CDK13: variants seen among roughly 807,000 people sequenced by gnomAD.
CDK13 encodes the protein cyclin-dependent kinase 13.
Under a neutral mutation model 137.6 loss-of-function variants are expected in CDK13, and 40 were observed. The observed-to-expected ratio is 0.29, with a 90% CI of 0.23 to 0.38. The LOEUF (loss-of-function observed/expected upper bound fraction) is 0.38. Ranked by LOEUF, CDK13 falls within the 10% of genes least tolerant of loss-of-function variation. The pLI is 1.00. For synonymous variants in CDK13, 869 were observed against 760.1 expected (o/e 1.14, Z -2.36); for missense variants, 1,704 against 1,951.8 (o/e 0.87, Z 2.39).
At chr7:39,979,191 G>A (rs952867540) in intron 1 of CDK13, among the ~76,000 whole-genome samples, 7 of 150,662 alleles carry the variant, frequency 4.6e-5, no homozygotes, top group Admixed American at 2.6e-4. Context: ...GACTAGTAAC[G>A]TAGATTTTTT....
intron 5 of CDK13, among the ~76,000 whole-genome samples, chr7:40,011,689 A>C (rs377199349): frequency 6.6e-6 from 1 of 150,664 alleles, no homozygotes; most frequent in East Asian, 1.9e-4. Flanking sequence ...TATTAGAAGA[A>C]AAGGTAGGAG....
chr7:39,979,847 A>G (rs1294420214), intron 1 of CDK13, among the ~76,000 whole-genome samples: 1 of 152,174 alleles, frequency 6.6e-6, no homozygotes, highest in Non-Finnish European at 1.5e-5. Context: ...TCACGTGATG[A>G]CAGGAATAGG....
At chr7:39,997,440 T>C in intron 2 of CDK13, 54 bp from the exon 3 acceptor site, 1 of 1,371,774 alleles carries the variant, frequency 7.3e-7, no homozygotes. Context: ...ATAAGCATAT[T>C]TTTATTAGTC....
intron 1 of CDK13, 95 bp downstream of exon 1, chr7:39,951,947 A>T: frequency 8.0e-7 from 1 of 1,243,706 alleles, no homozygotes; most frequent in Non-Finnish European, 1.0e-6. Context: ...AGAACGACTC[A>T]GGTCCACCAC....
chr7:40,075,459 T>C (rs1786525440), intron 9 of CDK13, among the ~76,000 whole-genome samples: 1 of 152,076 alleles, frequency 6.6e-6, no homozygotes. Flanking sequence ...GAAATTTTTA[T>C]TGAAATAAAA....
intron 7 of CDK13, among the ~76,000 whole-genome samples, chr7:40,049,773 TAC>T (rs1409614484): frequency 2.6e-5 from 4 of 152,308 alleles, no homozygotes; most frequent in Middle Eastern, 3.4e-3. Flanking sequence ...CTACCAGCTC[TAC>T]TCTCTACCTC....
intron 1 of CDK13, chr7:39,952,092 T>C: frequency 2.6e-6 from 1 of 390,744 alleles, no homozygotes; most frequent in Non-Finnish European, 4.5e-6. Flanking sequence ...AGGGAAGATT[T>C]CTAAGGAAGA....
chr7:39,994,686 A>C (rs969315797), intron 2 of CDK13, among the ~76,000 whole-genome samples: 1 of 152,176 alleles, frequency 6.6e-6, no homozygotes, highest in Non-Finnish European at 1.5e-5. Context: ...TATTATGTAA[A>C]TCTTTGGATT....
intron 2 of CDK13, among the ~76,000 whole-genome samples, chr7:39,996,364 T>C (rs1784560383): frequency 6.6e-6 from 1 of 152,198 alleles, no homozygotes; most frequent in African/African-American, 2.4e-5. Context: ...TCTTTCAACA[T>C]GTCACATTAT....
chr7:40,021,536 C>T (rs1298652586), intron 5 of CDK13, among the ~76,000 whole-genome samples: 1 of 152,042 alleles, frequency 6.6e-6, no homozygotes, highest in Non-Finnish European at 1.5e-5. Context: ...TGATAATTTT[C>T]TTACACATAA....
At chr7:39,980,463 A>G (rs1327399803) in intron 1 of CDK13, among the ~76,000 whole-genome samples, 1 of 152,218 alleles carries the variant, frequency 6.6e-6, no homozygotes, top group Non-Finnish European at 1.5e-5. Context: ...TTACATGACA[A>G]AATACACAGG....
At chr7:40,029,804 C>T (rs2150503776) in intron 5 of CDK13, among the ~76,000 whole-genome samples, 1 of 152,202 alleles carries the variant, frequency 6.6e-6, no homozygotes, top group Non-Finnish European at 1.5e-5. Context: ...AGGCTTGCAC[C>T]ACCGTGCCCT....
At chr7:39,978,102 C>A (rs1264647977) in intron 1 of CDK13, among the ~76,000 whole-genome samples, 1 of 151,860 alleles carries the variant, frequency 6.6e-6, no homozygotes, top group Non-Finnish European at 1.5e-5. Flanking sequence ...GGATGATTTG[C>A]GGGGGTGATG....
chr7:40,071,971 G>T (rs1481138367), intron 9 of CDK13: 3 of 152,082 alleles, frequency 2.0e-5, no homozygotes, highest in Admixed American at 2.0e-4. Context: ...GCCTCAGTTC[G>T]CAAGTCAAAT....
intron 1 of CDK13, among the ~76,000 whole-genome samples, chr7:39,957,456 T>C (rs1787450216): frequency 6.6e-6 from 1 of 152,186 alleles, no homozygotes; most frequent in Non-Finnish European, 1.5e-5. Context: ...ATTGGTGGTT[T>C]AATTTAAATA....
chr7:40,024,130 G>A (rs1427905716), intron 5 of CDK13, among the ~76,000 whole-genome samples: 1 of 152,152 alleles, frequency 6.6e-6, no homozygotes, highest in Admixed American at 6.6e-5. Flanking sequence ...CCTACTTGAA[G>A]CAGATTCCCT....
Position 39,987,505 on chromosome 7 carries a change from A to G in CDK13, c.1212-94A>G, listed in dbSNP as rs1041770977. On this transcript the variant is annotated intron_variant, in intron 1 of 13. Coordinates refer to ENST00000181839, the MANE Select transcript of CDK13 (RefSeq NM_003718.5). ...TAACTTTGAAATTAAGTAAATTTCT[A>G]TTTTATTTCATAAACTTGAATTAGC... is the stretch of plus-strand genomic sequence containing the variant. The G allele has an allele frequency of 7.6e-6, 8 of 1,051,340 alleles. 1 individual carries two copies. The South Asian group carries it at 1.1e-4, about 15-fold the overall frequency. 65.1% of individuals were successfully genotyped at this position (1,051,340 alleles called of 1,614,324 possible).
intron 1 of CDK13, among the ~76,000 whole-genome samples, chr7:39,979,702 T>C (rs1784184188): frequency 1.3e-5 from 2 of 152,188 alleles, no homozygotes; most frequent in African/African-American, 4.8e-5. Flanking sequence ...ACACCTTACA[T>C]TTTAAGAGGA....
chr7:40,092,765 T>G lies in CDK13; in HGVS notation c.3236-20T>G. ...AGCTGTGAATTATGACAGTTCTAAT[T>G]AATATAATTTTGTCTTTAGTAAAAA... On this transcript the variant is annotated intron_variant, in intron 12 of 13. Coordinates refer to ENST00000181839, the MANE Select transcript of CDK13 (RefSeq NM_003718.5). 1 of 1,585,786 alleles carries G rather than the reference T, an allele frequency of 6.3e-7. No homozygotes were observed. The highest frequency in any genetic ancestry group is 8.6e-7 in the Non-Finnish European group (1 of 1,156,970).
Sources: allele counts gnomAD v4.1 joint callset (sites outside exome capture counted in the v4.1 genomes callset), GRCh38; gene constraint gnomAD v4.1.1; transcripts MANE v1.5; gene names NCBI Gene and HGNC (gene_info 2026-07-23, HGNC 2026-07-21).